Variants in LARGE1 observed in about 807,000 individuals in gnomAD.
LARGE1 encodes the protein LARGE xylosyl- and glucuronyltransferase 1.
In LARGE1, 43 loss-of-function variants were observed where a neutral mutation model predicts 87.6. The ratio of observed to expected loss-of-function variants is 0.49; its 90% CI spans 0.38 to 0.63. LARGE1 has a LOEUF of 0.63. Among genes scored for constraint, LARGE1 ranks in the 30% least tolerant of loss-of-function variants. The probability of loss-of-function intolerance (pLI) is 0.00; values close to 1 mark genes in which losing one functional copy is unlikely to be tolerated. For synonymous variants in LARGE1, 434 were observed against 394.6 expected, an observed-to-expected ratio of 1.10 and a Z score of -1.18; for missense variants, 802 against 1,000.2, an observed-to-expected ratio of 0.80 and a Z score of 2.67.
intron 12 of LARGE1, among the ~76,000 whole-genome samples, chr22:33,289,021 C>T (rs1258198960): frequency 2.6e-5 from 4 of 151,966 alleles, no homozygotes; most frequent in South Asian, 2.1e-4. Context: ...TGCGGTGGTG[C>T]GATCTCGGCT....
chr22:33,738,581 C>G (rs984839814), intron 2 of LARGE1, among the ~76,000 whole-genome samples: 1 of 152,174 alleles, frequency 6.6e-6, no homozygotes, highest in East Asian at 1.9e-4. Context: ...ATGCCAGGGC[C>G]GGGCGCGGTG....
At chr22:33,095,965 T>C in the LARGE1 span, among the ~76,000 whole-genome samples, 1 of 152,298 alleles carries the variant, frequency 6.6e-6, no homozygotes, top group East Asian at 1.9e-4. Flanking sequence ...GGAACCCCCA[T>C]TCCCCTAGGA....
intron 6 of LARGE1, among the ~76,000 whole-genome samples, chr22:33,497,935 T>C (rs2070226184): frequency 6.6e-6 from 1 of 152,346 alleles, no homozygotes; most frequent in East Asian, 1.9e-4. Context: ...TAGGCTGGAA[T>C]GCAGTGGTAT....
At chr22:33,160,409 G>T (rs1217549801), downstream of LARGE1, among the ~76,000 whole-genome samples, 1 of 152,168 alleles carries the variant, frequency 6.6e-6, no homozygotes, top group Non-Finnish European at 1.5e-5. Flanking sequence ...CCATTACTTA[G>T]CTGACTTTGG....
rs1933417873 is a variant in LARGE1 at position 33,297,258 on chromosome 22, A to G, written c.1730+6971T>C. Among the ~76,000 whole-genome samples, 4 of 152,282 alleles carry G rather than the reference A, an allele frequency of 2.6e-5. No individual in the cohort carries two copies. In the South Asian group the frequency reaches 8.3e-4, roughly 32 times the overall value. On this transcript the variant is annotated intron_variant, in intron 12 of 14. Transcript: ENST00000397394. Reference sequence around the variant, plus strand: ...CTGGGGAGAAAAGAGTCGAACAGAAATCTGGCATTCCTACACAGTGTCAGA... The same window carrying G: ...CTGGGGAGAAAAGAGTCGAACAGAAGTCTGGCATTCCTACACAGTGTCAGA...
intron 11 of LARGE1, among the ~76,000 whole-genome samples, chr22:33,310,081 C>T (rs552312099): frequency 6.6e-6 from 1 of 152,236 alleles, no homozygotes; most frequent in Admixed American, 6.5e-5. Context: ...TCTTAAGACC[C>T]CTATTTCCAG....
intron 2 of LARGE1, among the ~76,000 whole-genome samples, chr22:33,696,338 A>G (rs889195830): frequency 4.0e-5 from 6 of 149,734 alleles, no homozygotes; most frequent in Admixed American, 6.7e-5. Context: ...TCTCGGCTCA[A>G]TGCAACCTCT....
chr22:33,409,473 C>T (rs935430299), intron 7 of LARGE1, among the ~76,000 whole-genome samples: 4 of 152,168 alleles, frequency 2.6e-5, no homozygotes, highest in Admixed American at 2.0e-4. Context: ...GGCACTTCTG[C>T]ATCCAAATGG....
At chr22:33,876,188 G>A (rs147613258) in intron 1 of LARGE1, among the ~76,000 whole-genome samples, 2 of 152,192 alleles carry the variant, frequency 1.3e-5, no homozygotes, top group African/African-American at 2.4e-5. Context: ...CCATGAACAC[G>A]GGAACCAGGT....
intron 9 of LARGE1, among the ~76,000 whole-genome samples, chr22:33,379,761 T>G (rs1452950745): frequency 6.6e-6 from 1 of 152,166 alleles, no homozygotes; most frequent in African/African-American, 2.4e-5. Flanking sequence ...AGTGGGGAAG[T>G]TCTAACCCTC....
chr22:33,777,654 GAGGGGGAGGGGA>G (rs2085286733), intron 1 of LARGE1, among the ~76,000 whole-genome samples: 1 of 126,536 alleles, frequency 7.9e-6, no homozygotes, highest in South Asian at 2.9e-4. Context: ...GGGGGAGGGG[GAGGGGGAGGGGA>G]AGGGGAAGGA....
intron 1 of LARGE1, among the ~76,000 whole-genome samples, chr22:33,776,266 T>C (rs2085233764): frequency 6.6e-6 from 1 of 152,224 alleles, no homozygotes; most frequent in Non-Finnish European, 1.5e-5. Context: ...AACTCAAGTT[T>C]AATTGAGCCA....
chr22:33,921,055 G>T (rs1235006417), upstream of LARGE1, among the ~76,000 whole-genome samples: 1 of 150,426 alleles, frequency 6.6e-6, no homozygotes, highest in African/African-American at 2.4e-5. The surrounding 1 kb of genome is among the most constrained non-coding windows in gnomAD (Gnocchi z 4.1). Context: ...CCGCGAGCCG[G>T]GGCTGGGTTC....
At chr22:33,838,814 G>T (rs1438936331) in intron 1 of LARGE1, among the ~76,000 whole-genome samples, 1 of 152,054 alleles carries the variant, frequency 6.6e-6, no homozygotes, top group Non-Finnish European at 1.5e-5. Flanking sequence ...CTCCCTGATT[G>T]TGTCTGCAGA....
At chr22:33,746,981 G>A (rs1362463912) in intron 2 of LARGE1, among the ~76,000 whole-genome samples, 4 of 152,184 alleles carry the variant, frequency 2.6e-5, no homozygotes, top group Non-Finnish European at 5.9e-5. Context: ...CCATTTAGTA[G>A]ATCTAGGGCA....
chr22:33,443,721 ACAGTTT>A (rs1314345063), intron 6 of LARGE1, among the ~76,000 whole-genome samples: 1 of 152,196 alleles, frequency 6.6e-6, no homozygotes, highest in African/African-American at 2.4e-5. Flanking sequence ...AACTTAATTT[ACAGTTT>A]AAGACTTCAG....
At chr22:33,402,919 C>A (rs963394062) in intron 7 of LARGE1, among the ~76,000 whole-genome samples, 1 of 152,102 alleles carries the variant, frequency 6.6e-6, no homozygotes, top group Admixed American at 6.5e-5. Context: ...ACAGAAAGAT[C>A]GAGTAAGCAA....
intron 2 of LARGE1, among the ~76,000 whole-genome samples, chr22:33,679,615 G>A (rs895544748): frequency 1.3e-5 from 2 of 152,134 alleles, no homozygotes; most frequent in Non-Finnish European, 2.9e-5. Context: ...GTCGAGGCAG[G>A]TGGATTGCAT....
At chr22:33,842,953 CA>C (rs1319158719) in intron 1 of LARGE1, among the ~76,000 whole-genome samples, 19 of 109,700 alleles carry the variant, frequency 1.7e-4, no homozygotes, top group African/African-American at 6.4e-4. Context: ...CAAAACAAAA[CA>C]AAAAAACCAC....
Sources: gnomAD v4.1 joint callset for allele counts (sites outside exome capture counted in the v4.1 genomes callset) on GRCh38, gnomAD v4.1.1 for gene constraint, Gnocchi (gnomAD v3.1) non-coding constraint, MANE v1.5 for transcripts, NCBI Gene and HGNC (gene_info 2026-07-23, HGNC 2026-07-21) for gene names.